The following ANO2 variants were observed in gnomAD, a reference collection of about 807,000 sequenced individuals.
ANO2 encodes the protein anoctamin 2, also known as anoctamin-2.
A neutral mutation model predicts 124.2 loss-of-function variants in ANO2; 101 were observed. That is an observed-to-expected ratio of 0.81 (90% CI 0.69 to 0.96). ANO2 has a LOEUF of 0.96. ANO2 is among the 40% of genes least tolerant of loss of function. ANO2 has a pLI of 0.00. For missense variants in ANO2, 1,293 were observed against 1,274.5 expected, an observed-to-expected ratio of 1.01 and a Z score of -0.22; for synonymous variants, 486 against 482.5, an observed-to-expected ratio of 1.01 and a Z score of -0.09.
chr12:5,648,506 G>A (rs541350849), intron 14 of ANO2, among the ~76,000 whole-genome samples: 29 of 152,272 alleles, frequency 1.9e-4, no homozygotes, highest in African/African-American at 6.0e-4. Context: ...ATTATCCTGC[G>A]ACAATCGTTA....
At chr12:5,889,284 G>A (rs1939214460) in intron 3 of ANO2, among the ~76,000 whole-genome samples, 1 of 152,246 alleles carries the variant, frequency 6.6e-6, no homozygotes, top group Non-Finnish European at 1.5e-5. Context: ...GCCAGCCCAG[G>A]TAGGGGCTCC....
rs780792099 is a variant in ANO2 at position 5,921,226 on chromosome 12, T to C, written c.348A>G (p.Gln116=). Residue 116 remains glutamine, a synonymous_variant, in exon 3 of 25, where the codon CAA becomes CAG. Coordinates refer to ENST00000682330, the MANE Select transcript of ANO2 (RefSeq NM_001364791.2). ...HYRKRGVHLA[Q]GFPGHSLAIV... ...TAGCCAGCGAGTGGCCAGGGAAGCC[T>C]TGGGCCAGGTGCACCCCGCGTTTCC... The C allele has an allele frequency of 1.2e-6, 2 of 1,613,956 alleles. No individual in the cohort carries two copies. The highest frequency in any genetic ancestry group is 2.2e-5 in the South Asian group (2 of 91,056).
chr12:5,934,970 G>T (rs767702697), intron 1 of ANO2, among the ~76,000 whole-genome samples: 2 of 152,156 alleles, frequency 1.3e-5, no homozygotes, highest in Non-Finnish European at 2.9e-5. Context: ...CCACTCTCAG[G>T]CTACTGAGGA....
intron 9 of ANO2, among the ~76,000 whole-genome samples, chr12:5,804,790 A>G (rs1291284650): frequency 2.6e-5 from 4 of 152,202 alleles, no homozygotes; most frequent in Admixed American, 2.0e-4. Flanking sequence ...AGTGCAGGTA[A>G]CAGAAGGCTG....
Position 5,615,169 on chromosome 12 carries a change from GACACCATTAT to G in ANO2, c.1928+7_1928+16del, listed in dbSNP as rs780137455. 7 of 1,603,856 alleles carry G rather than the reference GACACCATTAT, an allele frequency of 4.4e-6. No individual in the cohort carries two copies. The African/African-American group carries it at 9.4e-5, about 21-fold the overall frequency. On this transcript the variant is annotated splice_region_variant and intron_variant, in intron 17 of 24. Transcript: ENST00000682330. The stretch of plus-strand genomic sequence containing the variant: ...AGTGGCAAATTGCCTTTCTACACAT[GACACCATTAT>G]ACTCACCTCCCTTTGAAAAAGGCCA...
Position 5,921,349 on chromosome 12 carries a change from C to A in ANO2, c.225G>T (p.Leu75=). ...TRSSSVINNY[L]DANEPVSLEA... is the part of the protein sequence containing the mutation. The stretch of plus-strand genomic sequence containing the variant: ...CCAAGGACACAGGCTCATTGGCATC[C>A]AGATAGTTGTTGATGACCTGGCCAG... The change falls in exon 3 of 25, where the codon CTG becomes CTT. Residue 75 remains leucine, a synonymous_variant. Transcript: ENST00000682330. 1 of 1,613,682 alleles carries A rather than the reference C, an allele frequency of 6.2e-7. No individual in the cohort carries two copies. The highest frequency in any genetic ancestry group is 1.1e-5 in the South Asian group (1 of 91,060).
In ANO2 at chr12:5,612,967, A is replaced by G; in HGVS notation, c.1929-9T>C. ...CAGGCCTGCCCACAAACCTGAAATC[A>G]AACAGTGTGGGAAGAGTTAGGGGAA... is the stretch of plus-strand genomic sequence containing the variant. On this transcript the variant is annotated splice_polypyrimidine_tract_variant and intron_variant, in intron 17 of 24. Transcript: ENST00000682330. The G allele has an allele frequency of 6.2e-7, 1 of 1,613,878 alleles. No individual in the cohort carries two copies. Among genetic ancestry groups the G allele is most frequent in the South Asian group, 1.1e-5 (1 of 91,080 alleles).
In ANO2 at chr12:5,862,110, G is replaced by A. The variant is rs57984070; in HGVS notation, c.535-7969C>T. On this transcript the variant is annotated intron_variant, in intron 3 of 24. Transcript: ENST00000682330. The surrounding 1 kb of genome is among the most constrained non-coding windows in gnomAD (Gnocchi z 4.0). ...GTCCTCCTGAGACACAGGGATTTGG[G>A]ATTAAGCAAAGGGAAGAAGTTCCTG... is the stretch of plus-strand genomic sequence containing the variant. 2.0e-5 allele frequency among the ~76,000 whole-genome samples: 3 copies of A among 152,232 alleles called. No homozygotes were observed. The highest frequency in any genetic ancestry group is 7.2e-5 in the African/African-American group (3 of 41,534).
intron 11 of ANO2, among the ~76,000 whole-genome samples, chr12:5,745,150 T>C (rs556688080): frequency 1.3e-5 from 2 of 152,312 alleles, no homozygotes; most frequent in East Asian, 3.9e-4. Flanking sequence ...ATCCAACAGA[T>C]TTAGGCTCAT....
At chr12:5,786,531 T>C (rs1952545044) in intron 10 of ANO2, among the ~76,000 whole-genome samples, 1 of 152,134 alleles carries the variant, frequency 6.6e-6, no homozygotes, top group Admixed American at 6.5e-5. Flanking sequence ...TGAGCCTGGA[T>C]GGCTTTTAAG....
intron 4 of ANO2, among the ~76,000 whole-genome samples, chr12:5,838,936 C>T (rs1954417428): frequency 6.6e-6 from 1 of 152,240 alleles, no homozygotes; most frequent in South Asian, 2.1e-4. Context: ...CTCCCAGCTT[C>T]TTCATCTCCG....
intron 19 of ANO2, among the ~76,000 whole-genome samples, chr12:5,606,322 T>C (rs1944219950): frequency 6.6e-6 from 1 of 152,216 alleles, no homozygotes; most frequent in Admixed American, 6.5e-5. Context: ...GCTGCTCTTG[T>C]TCAGTCTCTC....
intron 13 of ANO2, among the ~76,000 whole-genome samples, chr12:5,734,347 T>C (rs1184235115): frequency 6.6e-6 from 1 of 152,228 alleles, no homozygotes; most frequent in Non-Finnish European, 1.5e-5. Context: ...TTTGGTTGCT[T>C]TTCTTCTACA....
In ANO2 at chr12:5,940,303, T is replaced by C. The variant is rs1942844711; in HGVS notation, c.22+4893A>G. ...CAAGTTAACTACATTTAGCAAAATT[T>C]AGCATTTGAATTTAGATAGATTGTA... On this transcript the variant is annotated intron_variant, in intron 1 of 24. Coordinates refer to ENST00000682330, the MANE Select transcript of ANO2 (RefSeq NM_001364791.2). 2.0e-5 allele frequency among the ~76,000 whole-genome samples: 3 copies of C among 152,352 alleles called. No individual in the cohort carries two copies. In the South Asian group the frequency reaches 6.2e-4, roughly 32 times the overall value.
chr12:5,932,838 A>C (rs1942477382), intron 1 of ANO2, among the ~76,000 whole-genome samples: 1 of 152,210 alleles, frequency 6.6e-6, no homozygotes, highest in Non-Finnish European at 1.5e-5. Flanking sequence ...AGAAGCCCTC[A>C]GCTCTCCCTA....
At chr12:5,681,214 G>A (rs1948474369) in intron 14 of ANO2, among the ~76,000 whole-genome samples, 1 of 152,212 alleles carries the variant, frequency 6.6e-6, no homozygotes, top group Non-Finnish European at 1.5e-5. Flanking sequence ...AGTCTGGGCC[G>A]AAAACAGCTT....
intron 15 of ANO2, among the ~76,000 whole-genome samples, chr12:5,645,554 GGTTA>G (rs1946597622): frequency 6.6e-6 from 1 of 151,920 alleles, no homozygotes; most frequent in Non-Finnish European, 1.5e-5. Flanking sequence ...GAGGTTTATT[GGTTA>G]GTTTTCATTA....
In ANO2 at chr12:5,575,978, C is replaced by T. The variant is rs569255760; in HGVS notation, c.2477G>A (p.Arg826His). ...ACTGTAGGAGTACTGGTACACCAGG[C>T]GGGGGATAAAGTCGGAGGTGATCGC... ...VIAITSDFIP[R>H]LVYQYSYSHN... Residue 826 changes from arginine to histidine, a missense_variant, in exon 23 of 25, where the codon CGC (arginine) becomes CAC (histidine). Coordinates refer to ENST00000682330, the MANE Select transcript of ANO2 (RefSeq NM_001364791.2). 23 of 1,611,678 alleles carry T rather than the reference C, an allele frequency of 1.4e-5. No individual in the cohort carries two copies. Among genetic ancestry groups the T allele is most frequent in the Admixed American group, 1.2e-4 (7 of 59,696 alleles).
intron 10 of ANO2, among the ~76,000 whole-genome samples, chr12:5,793,200 C>G (rs1952749326): frequency 6.6e-6 from 1 of 152,128 alleles, no homozygotes; most frequent in Non-Finnish European, 1.5e-5. Flanking sequence ...GGGAAATCAG[C>G]AGTTTTCCTT....
Sources: allele counts gnomAD v4.1 joint callset (sites outside exome capture counted in the v4.1 genomes callset), GRCh38; gene constraint gnomAD v4.1.1; non-coding constraint Gnocchi (gnomAD v3.1); transcripts MANE v1.5; gene names NCBI Gene and HGNC (gene_info 2026-07-23, HGNC 2026-07-21).